Variants in ARHGEF37 observed in about 807,000 individuals in gnomAD.
The protein encoded by ARHGEF37 is Rho guanine nucleotide exchange factor (GEF) 37.
ARHGEF37 carries 55 observed loss-of-function variants against 71.1 expected under a neutral mutation model. The observed-to-expected ratio is 0.77, with a 90% CI of 0.62 to 0.97. The LOEUF is 0.97. Ranked by LOEUF, ARHGEF37 falls within the 50% of genes least tolerant of loss-of-function variation. The probability of loss-of-function intolerance (pLI) is 0.00; values close to 1 mark genes in which losing one functional copy is unlikely to be tolerated. For synonymous variants in ARHGEF37, 327 were observed against 350.6 expected (o/e 0.93, Z 0.75); for missense variants, 765 against 836.8 (o/e 0.91, Z 1.06).
chr5:149,593,244 T>G (rs1763460316), intron 1 of ARHGEF37, among the ~76,000 whole-genome samples: 2 of 152,254 alleles, frequency 1.3e-5, no homozygotes, highest in African/African-American at 4.8e-5. Flanking sequence ...CACAGACTTG[T>G]GCAACCATCA....
chr5:149,609,953 C>T (rs920648793), intron 4 of ARHGEF37, among the ~76,000 whole-genome samples: 19 of 152,212 alleles, frequency 1.2e-4, no homozygotes, highest in Admixed American at 1.0e-3. Context: ...TTGTCATCCT[C>T]ACTTCGGCAC....
chr5:149,568,971 A>G (rs1021953129), intron 1 of ARHGEF37, among the ~76,000 whole-genome samples: 2 of 152,058 alleles, frequency 1.3e-5, no homozygotes, highest in East Asian at 1.9e-4. Flanking sequence ...ATGTGTATGT[A>G]TATTTATGTG....
At chr5:149,559,399 C>T (rs771443666) in intron 1 of ARHGEF37, among the ~76,000 whole-genome samples, 13 of 152,288 alleles carry the variant, frequency 8.5e-5, no homozygotes, top group South Asian at 8.3e-4. Context: ...AGTGATTTGT[C>T]GGAGACCTGT....
upstream of ARHGEF37, among the ~76,000 whole-genome samples, chr5:149,577,534 AT>A (rs2113255311): frequency 6.6e-6 from 1 of 152,236 alleles, no homozygotes; most frequent in East Asian, 1.9e-4. Context: ...ATTAAAAAAA[AT>A]GGTATGGGAA....
chr5:149,595,019 A>T lies in ARHGEF37; in HGVS notation c.-11-2740A>T, dbSNP rs925075617. ...ATTTACATGAATTTCGGGAAAGGACACAATTATAGAAATGGAGAACAGGTT... is the reference window on the plus strand; with the variant it reads ...ATTTACATGAATTTCGGGAAAGGACTCAATTATAGAAATGGAGAACAGGTT... On this transcript the variant is annotated intron_variant, in intron 1 of 12. Coordinates refer to ENST00000333677, the MANE Select transcript of ARHGEF37 (RefSeq NM_001001669.3). Among the ~76,000 whole-genome samples, 4 of 152,356 alleles carry T rather than the reference A, an allele frequency of 2.6e-5. No individual in the cohort carries two copies. In the East Asian group the frequency reaches 7.7e-4, roughly 29 times the overall value.
At chr5:149,613,922 C>A (rs1434915425) in intron 4 of ARHGEF37, among the ~76,000 whole-genome samples, 1 of 151,958 alleles carries the variant, frequency 6.6e-6, no homozygotes, top group Admixed American at 6.6e-5. Flanking sequence ...TGCCACCACA[C>A]CTGACTCATT....
Position 149,560,866 on chromosome 5 carries a change from A to G in ARHGEF37, c.-12+8743A>G, listed in dbSNP as rs562812636. Among the ~76,000 whole-genome samples the G allele has an allele frequency of 5.9e-5, 9 of 152,368 alleles. No homozygotes were observed. The East Asian group carries it at 1.2e-3, about 20-fold the overall frequency. On this transcript the variant is annotated intron_variant, in intron 1 of 2. Coordinates refer to the ARHGEF37 transcript ENST00000505810. Reference sequence around the variant, plus strand: ...TGTCTTTTACAGCTTCTTAAAATTCAGATAAAATGTAAAATTCTGACAGGC... The same window carrying G: ...TGTCTTTTACAGCTTCTTAAAATTCGGATAAAATGTAAAATTCTGACAGGC...
At chr5:149,581,313 C>T (rs1455022241), upstream of ARHGEF37, among the ~76,000 whole-genome samples, 1 of 152,244 alleles carries the variant, frequency 6.6e-6, no homozygotes, top group East Asian at 1.9e-4. Flanking sequence ...CGCCTGCAAT[C>T]CTTCGGGTTG....
chr5:149,602,446 T>G (rs1186497944), intron 3 of ARHGEF37, among the ~76,000 whole-genome samples: 2 of 151,948 alleles, frequency 1.3e-5, no homozygotes, highest in Admixed American at 6.6e-5. Context: ...AGTTGGGGGC[T>G]TTACTGTGGC....
At chr5:149,624,186 G>A in intron 10 of ARHGEF37, 46 bp downstream of exon 10, 2 of 1,570,700 alleles carry the variant, frequency 1.3e-6, no homozygotes, top group South Asian at 1.1e-5. Context: ...TTCTTCACTG[G>A]CCAGTAGGGT....
chr5:149,628,790 C>T lies in ARHGEF37; in HGVS notation c.1661-19C>T. 1 of 1,606,112 alleles carries T rather than the reference C, an allele frequency of 6.2e-7. No individual in the cohort carries two copies. Among genetic ancestry groups the T allele is most frequent in the Non-Finnish European group, 8.5e-7 (1 of 1,175,710 alleles). On this transcript the variant is annotated intron_variant, in intron 11 of 12. Coordinates refer to ENST00000333677, the MANE Select transcript of ARHGEF37 (RefSeq NM_001001669.3). Reference sequence around the variant, plus strand: ...GGGAAGGTGGCCCGCAGCCTGCTAACCTTCTGCATGCTCCCTAGGACATCG... The same window carrying T: ...GGGAAGGTGGCCCGCAGCCTGCTAATCTTCTGCATGCTCCCTAGGACATCG...
At chr5:149,580,102 C>A (rs1391060827), upstream of ARHGEF37, among the ~76,000 whole-genome samples, 3 of 152,028 alleles carry the variant, frequency 2.0e-5, no homozygotes, top group Non-Finnish European at 4.4e-5. Flanking sequence ...CGCTCTGTCA[C>A]CAGGCTGGAG....
intron 12 of ARHGEF37, 46 bp from the exon 13 acceptor site, chr5:149,631,936 A>G: frequency 6.3e-7 from 1 of 1,596,256 alleles, no homozygotes. Context: ...CAGTCTGTCT[A>G]CCTTCTCACC....
Position 149,618,951 on chromosome 5 carries a change from A to G in ARHGEF37, c.803A>G (p.Glu268Gly). The change falls in exon 7 of 13, where the codon GAA (glutamate) becomes GGA (glycine). Residue 268 changes from glutamate to glycine, a missense_variant. By Grantham distance (98) the Glu-to-Gly change is moderately conservative. Coordinates refer to ENST00000333677, the MANE Select transcript of ARHGEF37 (RefSeq NM_001001669.3). ...CATTACTTTCAGACAGAAGACAAGG[A>G]ATTTGATGATTTAGAAGAGAGGTTC... Reference protein sequence around the residue: ...AGLIPRTEDKEFDDLEERFQW... With the variant: ...AGLIPRTEDKGFDDLEERFQW... 1 of 1,613,876 alleles carries G rather than the reference A, an allele frequency of 6.2e-7. No homozygotes were observed. Among genetic ancestry groups the G allele is most frequent in the Admixed American group, 1.7e-5 (1 of 60,026 alleles).
At chr5:149,607,527 C>T (rs1163213303) in intron 3 of ARHGEF37, among the ~76,000 whole-genome samples, 3 of 152,186 alleles carry the variant, frequency 2.0e-5, no homozygotes, top group African/African-American at 4.8e-5. Context: ...TCTCACGCAT[C>T]CATGTGAAGA....
intron 2 of ARHGEF37, among the ~76,000 whole-genome samples, chr5:149,598,263 C>CTCCTCTTCTTCTTCTTCTTCTTCT (rs71587782): frequency 2.2e-4 from 15 of 67,692 alleles, no homozygotes; most frequent in South Asian, 7.7e-4. Context: ...CTTAAACTGA[C>CTCCTCTTCTTCTTCTTCTTCTTCT]TCTTCTTCTT....
At chr5:149,597,681 T>A in intron 1 of ARHGEF37, 78 bp from the exon 2 acceptor site, 1 of 1,331,330 alleles carries the variant, frequency 7.5e-7, no homozygotes. Context: ...TCTTGATGAG[T>A]AATTGTCATT....
intron 1 of ARHGEF37, among the ~76,000 whole-genome samples, chr5:149,572,307 ATTGAC>A (rs770770822): frequency 1.1e-4 from 17 of 152,214 alleles, no homozygotes; most frequent in Admixed American, 5.9e-4. Context: ...CATGGGATGT[ATTGAC>A]TTAATATCAT....
Position 149,621,845 on chromosome 5 carries a change from G to A in ARHGEF37, c.1118G>A (p.Arg373Gln), listed in dbSNP as rs201114208. The A allele has an allele frequency of 5.5e-4, 886 of 1,614,238 alleles. 12 individuals are homozygous for A. The South Asian group carries it at 8.7e-3, about 16-fold the overall frequency. ...KRLDKLLDFE[R>Q]VEEKLLEVGS... ...CTGGACAAGCTACTGGACTTTGAGCGGGTGGAAGAGAAGCTGCTGGAGGTG... is the reference window on the plus strand; with the variant it reads ...CTGGACAAGCTACTGGACTTTGAGCAGGTGGAAGAGAAGCTGCTGGAGGTG... Residue 373 changes from arginine to glutamine, a missense_variant, in exon 9 of 13, where the codon CGG (arginine) becomes CAG (glutamine). Physicochemically the swap from Arg to Gln is conservative, Grantham distance 43 (BLOSUM62 1). This residue lies in a region of ARHGEF37 where 390 missense variants were observed against 407.4 expected (regional missense o/e 0.96). Coordinates refer to ENST00000333677, the MANE Select transcript of ARHGEF37 (RefSeq NM_001001669.3).
Sources: gnomAD v4.1 joint callset for allele counts (sites outside exome capture counted in the v4.1 genomes callset) on GRCh38, gnomAD v4.1.1 for gene constraint, gnomAD v4.1.1 regional missense constraint, MANE v1.5 for transcripts, NCBI Gene and HGNC (gene_info 2026-07-23, HGNC 2026-07-21) for gene names.